The following RTL1 variants were observed in gnomAD, a reference collection of about 807,000 sequenced individuals.
The protein encoded by RTL1 is retrotransposon Gag like 1, also known as retrotransposon-like protein 1.
For synonymous variants in RTL1, 727 were observed against 748.4 expected, an observed-to-expected ratio of 0.97 and a Z score of 0.47; for missense variants, 1,681 against 1,767.5, an observed-to-expected ratio of 0.95 and a Z score of 0.88.
intron 2 of RTL1, among the ~76,000 whole-genome samples, chr14:100,902,679 G>A (rs981381743): frequency 1.3e-5 from 2 of 152,232 alleles, no homozygotes; most frequent in African/African-American, 2.4e-5. Context: ...CAGGCAGACC[G>A]GCTTGACTCC....
chr14:100,897,488 A>AT lies in RTL1; in HGVS notation c.-148-3984dup, dbSNP rs546725151. On this transcript the variant is annotated intron_variant, in intron 2 of 3. Transcript: ENST00000649591. ...CAGTTTCAGGCGTCTGGTTCCAGAT[A>AT]TTTTTTTCTGTGCATTTGCATATGT... The AT allele has an allele frequency of 2.4e-4, 37 of 152,022 alleles. No homozygotes were observed. In the East Asian group the frequency reaches 5.8e-3, roughly 24 times the overall value. 9.4% of individuals were successfully genotyped at this position (152,022 alleles called of 1,614,324 possible). A position where few individuals can be genotyped will look rare whatever the true frequency, so the allele number is the denominator to read the frequency against.
rs2038658479 is a variant in RTL1, at chr14:100,883,908, A to T, written c.881T>A (p.Ile294Asn). ...LRVAEEAMFT[I>N]RQGGRSATEY... is the part of the protein sequence containing the mutation. Reference sequence around the variant, plus strand: ...AGTGGCAGAGCGGCCGCCCTGCCTGATGGTGAACATGGCCTCTTCTGCCAC... The same window carrying T: ...AGTGGCAGAGCGGCCGCCCTGCCTGTTGGTGAACATGGCCTCTTCTGCCAC... Residue 294 changes from isoleucine to asparagine, a missense_variant, in exon 4 of 4, where the codon ATC (isoleucine) becomes AAC (asparagine). Coordinates refer to ENST00000649591, the MANE Select transcript of RTL1 (RefSeq NM_001134888.3). The surrounding 1 kb of genome is among the most constrained non-coding windows in gnomAD (Gnocchi z 5.9). 6.4e-7 allele frequency: 1 copy of T among 1,551,566 alleles called. No homozygotes were observed. The highest frequency in any genetic ancestry group is 8.7e-7 in the Non-Finnish European group (1 of 1,146,984).
chr14:100,897,748 T>TGGGGGGGGGGGGGGGG (rs1566760796), intron 2 of RTL1: 1 of 79,342 alleles, frequency 1.3e-5, no homozygotes, highest in African/African-American at 3.8e-4. Context: ...TTACCCTGGT[T>TGGGGGGGGGGGGGGGG]GGCGGGGGGG....
Position 100,881,053 on chromosome 14 carries a change from A to G in RTL1, c.3736T>C (p.Cys1246Arg). Reference protein sequence around the residue: ...LQDDLQRYRQCGLHDGLQDTS... With the variant: ...LQDDLQRYRQRGLHDGLQDTS... The stretch of plus-strand genomic sequence containing the variant: ...TCTTGCAGGCCGTCATGCAGGCCAC[A>G]CTGACGGTAACGTTGCAGGTCGTCT... Residue 1246 changes from cysteine (C) to arginine (R), a missense_variant, in exon 4 of 4, where the codon TGT (cysteine) becomes CGT (arginine). Transcript: ENST00000649591. This position sits in a 1 kb window ranked among gnomAD's most constrained non-coding sequence, Gnocchi z 6.6. 6.2e-7 allele frequency: 1 copy of G among 1,602,714 alleles called. No homozygotes were observed. The highest frequency in any genetic ancestry group is 1.1e-5 in the South Asian group (1 of 89,042).
At chr14:100,890,074 G>GAAAAA (rs55688942) in intron 3 of RTL1, among the ~76,000 whole-genome samples, 2 of 123,890 alleles carry the variant, frequency 1.6e-5, no homozygotes, top group South Asian at 5.3e-4. Context: ...CGCCTTATTT[G>GAAAAA]AAAAAAAAAA....
intron 3 of RTL1, among the ~76,000 whole-genome samples, chr14:100,888,798 A>G (rs1042004051): frequency 1.3e-5 from 2 of 152,322 alleles, no homozygotes; most frequent in South Asian, 2.1e-4. Flanking sequence ...TTCTTTTCAT[A>G]TTCGCAATAT....
rs918393684 is a variant in RTL1 at position 100,882,416 on chromosome 14, C to G, written c.2373G>C (p.Lys791Asn). ...ACCCTGTTATGATGGTCATGACGTTCTTGTTCAGTTTCACCCCTTTGGGGG... is the reference window on the plus strand; with the variant it reads ...ACCCTGTTATGATGGTCATGACGTTGTTGTTCAGTTTCACCCCTTTGGGGG... ...VVTPKGVKLN[K>N]NVMTIITGYP... The change falls in exon 4 of 4, where the codon AAG (lysine) becomes AAC (asparagine). Residue 791 changes from lysine (K) to asparagine (N), a missense_variant. By Grantham distance (94) the Lys-to-Asn change is moderately conservative (BLOSUM62 0). Transcript: ENST00000649591. 7 of 1,551,900 alleles carry G rather than the reference C, an allele frequency of 4.5e-6. No individual in the cohort carries two copies. The African/African-American group carries it at 8.2e-5, about 18-fold the overall frequency.
intron 3 of RTL1, among the ~76,000 whole-genome samples, chr14:100,888,501 T>G (rs1260356906): frequency 6.6e-6 from 1 of 152,220 alleles, no homozygotes. Flanking sequence ...ATATAAAAAT[T>G]TGATCATGTC....
intron 3 of RTL1, among the ~76,000 whole-genome samples, chr14:100,885,671 G>A (rs1027497255): frequency 6.6e-6 from 1 of 151,906 alleles, no homozygotes; most frequent in African/African-American, 2.4e-5. Flanking sequence ...CCCGACCTCT[G>A]AGCTGTTGAG....
At chr14:100,884,941 A>ACC in intron 3 of RTL1, 67 bp from the exon 4 acceptor site, 1 of 663,312 alleles carries the variant, frequency 1.5e-6, no homozygotes. Context: ...TGGCAGTATC[A>ACC]GGGTCTCAAG....
At position 100,880,524 on chromosome 14, in the gene RTL1, G is replaced by T; in HGVS notation, c.*188C>A. ...TGGGTCTCTGAGGACTGGGTAGTCC[G>T]TTAGCACAGGTGGCATTGCTGGTTG... On this transcript the variant is annotated 3_prime_UTR_variant, in exon 4 of 4. Coordinates refer to ENST00000649591, the MANE Select transcript of RTL1 (RefSeq NM_001134888.3). The T allele has an allele frequency of 8.2e-7, 1 of 1,221,240 alleles. No homozygotes were observed. The highest frequency in any genetic ancestry group is 1.1e-6 in the Non-Finnish European group (1 of 903,070). The allele number at this position is 1,221,240 out of a possible 1,614,324, so 75.7% of individuals were successfully genotyped here. A position where few individuals can be genotyped will look rare whatever the true frequency, so the allele number is the denominator to read the frequency against.
At chr14:100,887,796 A>G (rs536496875) in intron 3 of RTL1, among the ~76,000 whole-genome samples, 1 of 152,230 alleles carries the variant, frequency 6.6e-6, no homozygotes, top group South Asian at 2.1e-4. Context: ...ATTCCTTAGC[A>G]TGGCATAAAA....
chr14:100,897,615 G>A (rs1387360177), intron 2 of RTL1: 1 of 153,064 alleles, frequency 6.5e-6, no homozygotes, highest in Non-Finnish European at 1.5e-5. Context: ...CTTCCTTCAA[G>A]AGTCTGCTTA....
intron 3 of RTL1, among the ~76,000 whole-genome samples, chr14:100,888,336 C>T (rs985259360): frequency 6.6e-5 from 10 of 152,188 alleles, no homozygotes; most frequent in Non-Finnish European, 1.5e-4. Flanking sequence ...CTCGAGGTTT[C>T]TTCATTGCCT....
At chr14:100,901,080 C>G (rs545690958) in intron 2 of RTL1, among the ~76,000 whole-genome samples, 1 of 152,166 alleles carries the variant, frequency 6.6e-6, no homozygotes, top group Admixed American at 6.5e-5. Flanking sequence ...CACGGCGGGT[C>G]GGAGCAGCTG....
chr14:100,885,523 GTTTT>G (rs5811014), intron 3 of RTL1, among the ~76,000 whole-genome samples: 1 of 141,538 alleles, frequency 7.1e-6, no homozygotes, highest in East Asian at 2.0e-4. Flanking sequence ...ACAGGTCTGG[GTTTT>G]TTTTTTTTTT....
At position 100,893,843 on chromosome 14, in the gene RTL1, C is replaced by G. The variant is rs577486680; in HGVS notation, c.-148-338G>C. Among the ~76,000 whole-genome samples the G allele has an allele frequency of 3.9e-5, 6 of 152,192 alleles. No homozygotes were observed. Among genetic ancestry groups the G allele is most frequent in the African/African-American group, 1.2e-4 (5 of 41,442 alleles). ...TGGGACCTACACCCACCCTCACACC[C>G]GGGCCCACGCTCACTTTAATAACCC... is the stretch of plus-strand genomic sequence containing the variant. On this transcript the variant is annotated intron_variant, in intron 2 of 3. Transcript: ENST00000649591. The surrounding 1 kb of genome is among the most constrained non-coding windows in gnomAD (Gnocchi z 4.2).
At chr14:100,886,368 T>C (rs1207474884) in intron 3 of RTL1, among the ~76,000 whole-genome samples, 3 of 152,244 alleles carry the variant, frequency 2.0e-5, no homozygotes, top group South Asian at 2.1e-4. Flanking sequence ...GCAGTCTCTC[T>C]GATTAAAGCC....
At chr14:100,898,594 G>T (rs1423454638) in intron 2 of RTL1, among the ~76,000 whole-genome samples, 8 of 152,244 alleles carry the variant, frequency 5.3e-5, no homozygotes, top group African/African-American at 1.7e-4. Flanking sequence ...TTTAGGGTCT[G>T]TCTTGGAACT....
Sources: allele counts gnomAD v4.1 joint callset (sites outside exome capture counted in the v4.1 genomes callset), GRCh38; gene constraint gnomAD v4.1.1; non-coding constraint Gnocchi (gnomAD v3.1); transcripts MANE v1.5; gene names NCBI Gene and HGNC (gene_info 2026-07-23, HGNC 2026-07-21).